SLC14A2: variants seen among roughly 807,000 people sequenced by gnomAD.
SLC14A2 encodes the protein urea transporter 2.
SLC14A2 carries 91 observed loss-of-function variants against 104.6 expected under a neutral mutation model. The ratio of observed to expected loss-of-function variants is 0.87; its 90% CI spans 0.73 to 1.04. The LOEUF is 1.04. Among genes scored for constraint, SLC14A2 ranks in the 50% least tolerant of loss-of-function variants. SLC14A2 has a pLI of 0.00. For missense variants in SLC14A2, 1,189 were observed against 1,156.0 expected (o/e 1.03, Z -0.41); for synonymous variants, 476 against 466.4 (o/e 1.02, Z -0.27).
At position 45,655,205 on chromosome 18, in the gene SLC14A2, T is replaced by C. The variant is rs112857227; in HGVS notation, c.1352-8580T>C. On this transcript the variant is annotated intron_variant, in intron 10 of 19. Transcript: ENST00000255226. ...AGTCTGTGCAGCCACTGACAGTGGA[T>C]GTGTCTGGAAGACAAATAGCCATGC... Among the ~76,000 whole-genome samples, 499 of 152,328 alleles carry C rather than the reference T, an allele frequency of 3.3e-3. 1 individual carries two copies. Among genetic ancestry groups the C allele is most frequent in the African/African-American group, 0.011 (444 of 41,570 alleles).
intron 1 of SLC14A2, among the ~76,000 whole-genome samples, chr18:45,471,500 T>C (rs2087247981): frequency 6.6e-6 from 1 of 152,194 alleles, no homozygotes; most frequent in Non-Finnish European, 1.5e-5. Flanking sequence ...CATTTTCTAT[T>C]CTATATTTTT....
At chr18:45,642,225 T>G (rs2045540439) in intron 8 of SLC14A2, among the ~76,000 whole-genome samples, 1 of 152,222 alleles carries the variant, frequency 6.6e-6, no homozygotes, top group Admixed American at 6.5e-5. Context: ...TCTTTTGTTT[T>G]TTCCCACTTA....
chr18:45,224,343 T>C (rs550569675), intron 1 of SLC14A2, among the ~76,000 whole-genome samples: 1 of 152,350 alleles, frequency 6.6e-6, no homozygotes, highest in African/African-American at 2.4e-5. Context: ...GATGAAGCCC[T>C]GGATCAGCTG....
Position 45,667,082 on chromosome 18 carries a change from G to C in SLC14A2, c.1705G>C (p.Glu569Gln). 4 of 1,613,628 alleles carry C rather than the reference G, an allele frequency of 2.5e-6. No homozygotes were observed. The highest frequency in any genetic ancestry group is 3.4e-6 in the Non-Finnish European group (4 of 1,179,716). ...YITGEMKECG[E>Q]GLKDKSPVFQ... ...CACAGGAGAGATGAAGGAGTGTGGA[G>C]AGGGACTTAAAGGTAAAATTCTATG... Residue 569 changes from glutamate to glutamine, a missense_variant, in exon 13 of 20, where the codon GAG becomes CAG. Transcript: ENST00000255226.
intron 1 of SLC14A2, among the ~76,000 whole-genome samples, chr18:45,398,640 C>T (rs1579272): frequency 0.52 from 79,107 of 151,666 alleles, 20,859 homozygotes; most frequent in Admixed American, 0.59. Flanking sequence ...AACTCTGACA[C>T]GCGCTGCAAC....
At chr18:45,641,107 G>A in intron 7 of SLC14A2, 102 bp from the exon 8 acceptor site, 1 of 1,273,834 alleles carries the variant, frequency 7.9e-7, no homozygotes, top group Admixed American at 1.9e-5. Context: ...GATGTGGGGT[G>A]AACAACAGCA....
At chr18:45,652,306 A>G (rs555442273) in intron 10 of SLC14A2, among the ~76,000 whole-genome samples, 24 of 152,330 alleles carry the variant, frequency 1.6e-4, no homozygotes, top group Admixed American at 1.5e-3. Flanking sequence ...AAGATGAAAG[A>G]ATACACAGGG....
intron 2 of SLC14A2, among the ~76,000 whole-genome samples, chr18:45,502,388 G>A (rs530856756): frequency 1.6e-4 from 25 of 152,270 alleles, no homozygotes; most frequent in Middle Eastern, 3.4e-3. Flanking sequence ...ATCTCATCCC[G>A]GTAACCCAGA....
At chr18:45,249,527 A>G (rs982987593) in intron 1 of SLC14A2, among the ~76,000 whole-genome samples, 4 of 152,190 alleles carry the variant, frequency 2.6e-5, no homozygotes, top group African/African-American at 9.7e-5. Context: ...CTGAATTTCA[A>G]TGAATGTGTG....
At chr18:45,500,373 C>G (rs973264925) in intron 2 of SLC14A2, among the ~76,000 whole-genome samples, 5 of 151,942 alleles carry the variant, frequency 3.3e-5, no homozygotes, top group African/African-American at 4.8e-5. Context: ...GTCAGGAGAT[C>G]GAGACCATCC....
At chr18:45,216,769 G>A (rs2084014924) in intron 1 of SLC14A2, among the ~76,000 whole-genome samples, 2 of 152,170 alleles carry the variant, frequency 1.3e-5, no homozygotes, top group African/African-American at 2.4e-5. Context: ...TGTCTAGTCC[G>A]ATGTTTCGGT....
At chr18:45,619,470 G>A (rs1024470369) in intron 1 of SLC14A2, among the ~76,000 whole-genome samples, 1 of 152,252 alleles carries the variant, frequency 6.6e-6, no homozygotes, top group African/African-American at 2.4e-5. Context: ...CAAAGAGGAT[G>A]GAGGAGCTGG....
At chr18:45,294,779 A>G (rs1443949907) in intron 1 of SLC14A2, among the ~76,000 whole-genome samples, 1 of 152,204 alleles carries the variant, frequency 6.6e-6, no homozygotes, top group Non-Finnish European at 1.5e-5. Flanking sequence ...ACTTGTCTTG[A>G]TTTAACTACA....
intron 1 of SLC14A2, among the ~76,000 whole-genome samples, chr18:45,360,977 G>A (rs978418486): frequency 6.6e-6 from 1 of 151,700 alleles, no homozygotes; most frequent in Non-Finnish European, 1.5e-5. Context: ...TCACTCCCTC[G>A]CTTCCAATAT....
intron 1 of SLC14A2, among the ~76,000 whole-genome samples, chr18:45,451,758 C>G (rs1676672993): frequency 6.6e-6 from 1 of 152,142 alleles, no homozygotes; most frequent in African/African-American, 2.4e-5. Flanking sequence ...GATATTTACA[C>G]CAGATGACTC....
In SLC14A2 at chr18:45,576,272, C is replaced by CTTTTT. The variant is rs776335445; in HGVS notation, c.-34-48342_-34-48338dup. Among the ~76,000 whole-genome samples, 408 of 90,644 alleles carry CTTTTT rather than the reference C, an allele frequency of 4.5e-3. 10 individuals are homozygous for CTTTTT. Among genetic ancestry groups the CTTTTT allele is most frequent in the Middle Eastern group, 8.8e-3 (1 of 114 alleles). The allele number at this position is 90,644 out of a possible 152,430, so 59.5% of individuals were successfully genotyped here. ...GGAGAGAAGGTGGCTGGAGCAGGGG[C>CTTTTT]TTTTTTTTTTTTTTTTTTTTTGAGA... On this transcript the variant is annotated intron_variant, in intron 2 of 20. Coordinates refer to the SLC14A2 transcript ENST00000586448.
intron 5 of SLC14A2, among the ~76,000 whole-genome samples, chr18:45,635,689 A>G (rs984554648): frequency 6.6e-6 from 1 of 152,246 alleles, no homozygotes; most frequent in African/African-American, 2.4e-5. Flanking sequence ...GGAGCAGAGA[A>G]ACGGAGCCAC....
intron 1 of SLC14A2, among the ~76,000 whole-genome samples, chr18:45,354,844 C>T (rs1056658290): frequency 6.6e-6 from 1 of 152,218 alleles, no homozygotes; most frequent in Non-Finnish European, 1.5e-5. Context: ...TGGTTTACCC[C>T]TATTAAAATC....
intron 2 of SLC14A2, among the ~76,000 whole-genome samples, chr18:45,607,241 T>A (rs1486607485): frequency 6.6e-6 from 1 of 151,912 alleles, no homozygotes. Flanking sequence ...CCAGTCAGGG[T>A]TTTTTCCCCT....
Sources: gnomAD v4.1 joint callset for allele counts (sites outside exome capture counted in the v4.1 genomes callset) on GRCh38, gnomAD v4.1.1 for gene constraint, MANE v1.5 for transcripts, NCBI Gene and HGNC (gene_info 2026-07-23, HGNC 2026-07-21) for gene names.